Variants in DLGAP2 observed in about 807,000 individuals in gnomAD.
DLGAP2 encodes the protein disks large-associated protein 2.
In DLGAP2, 26 loss-of-function variants were observed where a neutral mutation model predicts 100.3. That is an observed-to-expected ratio of 0.26 (90% confidence interval 0.19 to 0.36). DLGAP2 has a LOEUF of 0.36. Among genes scored for constraint, DLGAP2 ranks in the 10% least tolerant of loss-of-function variants. The pLI, the probability that DLGAP2 is intolerant of heterozygous loss-of-function variation, is 1.00. For synonymous variants in DLGAP2, 886 were observed against 630.1 expected (o/e 1.41, Z -6.08); for missense variants, 1,858 against 1,453.2 (o/e 1.28, Z -4.53).
At chr8:1,368,389 G>A (rs1391079953) in intron 3 of DLGAP2, among the ~76,000 whole-genome samples, 2 of 152,058 alleles carry the variant, frequency 1.3e-5, no homozygotes, top group African/African-American at 4.8e-5. Flanking sequence ...ATGTGCATGT[G>A]TGTGGGTATG....
chr8:935,521 T>C (rs1461568974), intron 2 of DLGAP2, among the ~76,000 whole-genome samples: 7 of 152,250 alleles, frequency 4.6e-5, no homozygotes, highest in African/African-American at 1.7e-4. Flanking sequence ...ACCTGTTTCT[T>C]ATGGTTTTAA....
At chr8:1,203,643 T>C (rs904429485) in intron 2 of DLGAP2, among the ~76,000 whole-genome samples, 2 of 152,224 alleles carry the variant, frequency 1.3e-5, no homozygotes, top group African/African-American at 2.4e-5. Context: ...GATGTCTTTA[T>C]ATCAAGGAAT....
At chr8:930,248 C>T (rs2129003221) in intron 2 of DLGAP2, among the ~76,000 whole-genome samples, 1 of 152,334 alleles carries the variant, frequency 6.6e-6, no homozygotes, top group South Asian at 2.1e-4. Context: ...CCAGTTTGTT[C>T]TCCTCTTGGT....
At chr8:824,807 T>G (rs1038615917) in intron 1 of DLGAP2, among the ~76,000 whole-genome samples, 2 of 152,132 alleles carry the variant, frequency 1.3e-5, no homozygotes, top group African/African-American at 2.4e-5. Context: ...TCACACCCAC[T>G]TCCTTTCTGC....
At chr8:751,917 TA>T in intron 1 of DLGAP2, among the ~76,000 whole-genome samples, 1 of 150,644 alleles carries the variant, frequency 6.6e-6, no homozygotes, top group South Asian at 2.1e-4. Context: ...TAAGTCCTTA[TA>T]GGAAGTTCAT....
chr8:1,060,300 AGGCGGGCTCCCTCTG>A (rs1315306983), intron 2 of DLGAP2, among the ~76,000 whole-genome samples: 30 of 150,986 alleles, frequency 2.0e-4, no homozygotes, highest in African/African-American at 7.0e-4. Context: ...TCCCCTCCCA[AGGCGGGCTCCCTCTG>A]GAGGCCCTGA....
chr8:1,333,100 G>A (rs1401514460), intron 3 of DLGAP2, among the ~76,000 whole-genome samples: 3 of 152,132 alleles, frequency 2.0e-5, no homozygotes, highest in Admixed American at 1.3e-4. Flanking sequence ...GCCTCCGGGC[G>A]GTCTGTTCCT....
At chr8:1,321,589 C>T (rs1031317182) in intron 3 of DLGAP2, among the ~76,000 whole-genome samples, 5 of 152,204 alleles carry the variant, frequency 3.3e-5, no homozygotes, top group Admixed American at 6.5e-5. Context: ...AGGAATTCAG[C>T]GGATAATTGC....
chr8:862,700 C>G (rs973326517), intron 1 of DLGAP2, among the ~76,000 whole-genome samples: 1 of 152,144 alleles, frequency 6.6e-6, no homozygotes, highest in Non-Finnish European at 1.5e-5. Context: ...GAGAACAGAT[C>G]TTGTCCACCG....
intron 2 of DLGAP2, among the ~76,000 whole-genome samples, chr8:1,074,168 A>G (rs1242516157): frequency 6.9e-6 from 1 of 145,616 alleles, no homozygotes; most frequent in Non-Finnish European, 1.5e-5. Flanking sequence ...GTACATATTC[A>G]GGAGTCACTG....
intron 5 of DLGAP2, among the ~76,000 whole-genome samples, chr8:1,554,515 A>G (rs1181015397): frequency 6.6e-6 from 1 of 151,956 alleles, no homozygotes; most frequent in Non-Finnish European, 1.5e-5. Flanking sequence ...TCACGCCCTC[A>G]GCTCAGCTTG....
intron 2 of DLGAP2, among the ~76,000 whole-genome samples, chr8:941,480 G>A (rs533426590): frequency 1.1e-4 from 16 of 152,264 alleles, no homozygotes; most frequent in Middle Eastern, 3.4e-3. Context: ...TGCCACGAGG[G>A]CTCATTACTA....
chr8:1,113,398 T>A (rs116336632), intron 2 of DLGAP2, among the ~76,000 whole-genome samples: 1 of 152,236 alleles, frequency 6.6e-6, no homozygotes, highest in African/African-American at 2.4e-5. Flanking sequence ...GTAATTCTCA[T>A]TGAAGAGATC....
intron 1 of DLGAP2, among the ~76,000 whole-genome samples, chr8:796,400 G>A (rs1796038041): frequency 6.6e-6 from 1 of 151,956 alleles, no homozygotes; most frequent in Non-Finnish European, 1.5e-5. Flanking sequence ...GGTACCCTCA[G>A]GATTTCCCTG....
intron 1 of DLGAP2, among the ~76,000 whole-genome samples, chr8:772,004 G>A (rs1821376020): frequency 6.6e-6 from 1 of 152,102 alleles, no homozygotes; most frequent in Non-Finnish European, 1.5e-5. Flanking sequence ...CTGGACTCAA[G>A]CGATCCTCTT....
At chr8:855,223 A>G (rs150891242) in intron 1 of DLGAP2, among the ~76,000 whole-genome samples, 4 of 152,264 alleles carry the variant, frequency 2.6e-5, no homozygotes, top group East Asian at 3.9e-4. Flanking sequence ...GACTCCAGCT[A>G]TGTTACGCTT....
rs566700640 is a variant in DLGAP2 at position 1,599,834 on chromosome 8, G to GT, written c.1443-26903dup. Among the ~76,000 whole-genome samples the GT allele has an allele frequency of 6.0e-4, 91 of 152,242 alleles. 1 individual carries two copies. The highest frequency in any genetic ancestry group is 2.0e-3 in the African/African-American group (84 of 41,534). On this transcript the variant is annotated intron_variant, in intron 6 of 14. Transcript: ENST00000637795. ...GGCCTTGACTGTATCCAATTTGCCA[G>GT]TTTGTGTCTTTTAACTGGGACATTT... is the stretch of plus-strand genomic sequence containing the variant.
intron 3 of DLGAP2, among the ~76,000 whole-genome samples, chr8:1,422,662 G>C (rs999782012): frequency 1.3e-5 from 2 of 152,012 alleles, no homozygotes; most frequent in Admixed American, 6.5e-5. Flanking sequence ...CGGCTGGTGT[G>C]TGTTCCCTGC....
intron 2 of DLGAP2, among the ~76,000 whole-genome samples, chr8:973,814 G>T (rs773819227): frequency 2.0e-5 from 3 of 151,306 alleles, no homozygotes; most frequent in Non-Finnish European, 4.4e-5. Context: ...GCTCGGGCCC[G>T]TGGCCCCGCG....
Sources: allele counts gnomAD v4.1 joint callset (sites outside exome capture counted in the v4.1 genomes callset), GRCh38; gene constraint gnomAD v4.1.1; transcripts MANE v1.5; gene names NCBI Gene and HGNC (gene_info 2026-07-23, HGNC 2026-07-21).